Variants in LDLRAD3 observed in about 807,000 individuals in gnomAD.
The protein encoded by LDLRAD3 is low density lipoprotein receptor class A domain containing 3.
In LDLRAD3, 20 loss-of-function variants were observed where a neutral mutation model predicts 29.4. The observed-to-expected ratio is 0.68, with a 90% confidence interval of 0.48 to 0.99. The LOEUF (loss-of-function observed/expected upper bound fraction) is 0.99. LDLRAD3 is among the 50% of genes least tolerant of loss of function. LDLRAD3 has a pLI of 0.00. For synonymous variants in LDLRAD3, 157 were observed against 192.7 expected (o/e 0.81, Z 1.53); for missense variants, 420 against 454.3 (o/e 0.92, Z 0.69).
chr11:36,071,037 A>G (rs1852892894), intron 2 of LDLRAD3, among the ~76,000 whole-genome samples: 1 of 152,214 alleles, frequency 6.6e-6, no homozygotes, highest in Non-Finnish European at 1.5e-5. Flanking sequence ...ATTTAGAATG[A>G]TAAAAAGAAG....
At chr11:35,987,820 T>C (rs1404326783) in intron 1 of LDLRAD3, among the ~76,000 whole-genome samples, 2 of 152,216 alleles carry the variant, frequency 1.3e-5, no homozygotes, top group Admixed American at 6.5e-5. Context: ...AATTTTGTTT[T>C]AAGCTCTTTG....
chr11:35,947,358 A>T (rs1185841347), intron 1 of LDLRAD3, among the ~76,000 whole-genome samples: 1 of 152,008 alleles, frequency 6.6e-6, no homozygotes, highest in African/African-American at 2.4e-5. Context: ...AAAAATACAA[A>T]AATTAGCCAG....
chr11:36,027,359 T>A (rs925127634), intron 1 of LDLRAD3, among the ~76,000 whole-genome samples: 1 of 152,364 alleles, frequency 6.6e-6, no homozygotes, highest in South Asian at 2.1e-4. Flanking sequence ...TATATCATTT[T>A]GTCAGAAAAT....
chr11:35,960,278 A>C (rs1197623888), intron 1 of LDLRAD3, among the ~76,000 whole-genome samples: 1 of 152,218 alleles, frequency 6.6e-6, no homozygotes, highest in South Asian at 2.1e-4. Flanking sequence ...AATATACTAC[A>C]CTTTGCTCAT....
chr11:35,990,589 T>G (rs1243077492), intron 1 of LDLRAD3, among the ~76,000 whole-genome samples: 1 of 152,000 alleles, frequency 6.6e-6, no homozygotes, highest in East Asian at 1.9e-4. Context: ...TTGTATTTTT[T>G]TTTTTTAGTA....
intron 3 of LDLRAD3, among the ~76,000 whole-genome samples, chr11:36,083,706 A>G (rs17810905): frequency 0.1 from 15,293 of 150,622 alleles, 1,045 homozygotes; most frequent in South Asian, 0.23. Context: ...CCTGCTGTCC[A>G]TGGGGATCTT....
chr11:35,983,428 G>T (rs1314281629), intron 1 of LDLRAD3, among the ~76,000 whole-genome samples: 1 of 152,012 alleles, frequency 6.6e-6, no homozygotes, highest in Non-Finnish European at 1.5e-5. Flanking sequence ...ATAACAAACC[G>T]CATGGACCTG....
intron 1 of LDLRAD3, among the ~76,000 whole-genome samples, chr11:36,031,488 A>G (rs1466889263): frequency 6.6e-6 from 1 of 152,180 alleles, no homozygotes; most frequent in Admixed American, 6.5e-5. Context: ...GGGGAAAGGG[A>G]GGAAATAAAT....
intron 4 of LDLRAD3, among the ~76,000 whole-genome samples, chr11:36,113,350 C>T (rs1853631759): frequency 6.6e-6 from 1 of 152,016 alleles, no homozygotes; most frequent in African/African-American, 2.4e-5. Context: ...GAGCTCTCCG[C>T]TCCTCAGGAA....
chr11:36,032,067 GTCT>G (rs1252366968), intron 1 of LDLRAD3, among the ~76,000 whole-genome samples: 6 of 152,246 alleles, frequency 3.9e-5, no homozygotes, highest in Admixed American at 6.5e-5. Flanking sequence ...CTTTCCTGAT[GTCT>G]TCTTAGAGGG....
chr11:35,996,793 A>C (rs912388330), intron 1 of LDLRAD3, among the ~76,000 whole-genome samples: 2 of 152,192 alleles, frequency 1.3e-5, no homozygotes, highest in South Asian at 4.1e-4. Flanking sequence ...AATAACAGTT[A>C]ACTGTTTTTG....
chr11:36,136,892 T>C (rs1854012467), intron 4 of LDLRAD3, among the ~76,000 whole-genome samples: 1 of 152,148 alleles, frequency 6.6e-6, no homozygotes, highest in Non-Finnish European at 1.5e-5. Context: ...GGTTTTGCCA[T>C]GTTGGCCAAG....
At chr11:36,196,306 GAGAA>G (rs1277524973) in intron 4 of LDLRAD3, 3 of 152,196 alleles carry the variant, frequency 2.0e-5, no homozygotes, top group Non-Finnish European at 4.4e-5. Context: ...GAAGGTGAGA[GAGAA>G]AGAGAGAAAG....
intron 4 of LDLRAD3, among the ~76,000 whole-genome samples, chr11:36,136,049 T>A (rs535478646): frequency 1.3e-5 from 2 of 152,354 alleles, no homozygotes; most frequent in Non-Finnish European, 2.9e-5. Context: ...CTGAAGGACC[T>A]GCTAGCATTA....
At chr11:36,108,319 CAAAAAAAAAAAAAAA>C (rs60376519) in intron 4 of LDLRAD3, among the ~76,000 whole-genome samples, 1 of 48,978 alleles carries the variant, frequency 2.0e-5, no homozygotes, top group Admixed American at 3.8e-4. Flanking sequence ...GACTCCATCT[CAAAAAAAAAAAAAAA>C]AAAAAAAAAA....
intron 1 of LDLRAD3, among the ~76,000 whole-genome samples, chr11:35,991,740 T>C (rs750789320): frequency 6.6e-6 from 1 of 152,212 alleles, no homozygotes; most frequent in African/African-American, 2.4e-5. Context: ...AGCTAAATTA[T>C]TAATGCAGGT....
intron 1 of LDLRAD3, among the ~76,000 whole-genome samples, chr11:36,027,423 T>C (rs1757997334): frequency 6.6e-6 from 1 of 152,216 alleles, no homozygotes; most frequent in Non-Finnish European, 1.5e-5. Flanking sequence ...CTTTTTCTAG[T>C]TTGTGGCTTC....
intron 1 of LDLRAD3, among the ~76,000 whole-genome samples, chr11:35,956,778 C>G (rs1296875570): frequency 6.6e-6 from 1 of 151,892 alleles, no homozygotes; most frequent in Non-Finnish European, 1.5e-5. Flanking sequence ...GCTCTGTTTC[C>G]CAGGCTGGGT....
chr11:36,176,330 A>G (rs1854674961), intron 4 of LDLRAD3, among the ~76,000 whole-genome samples: 1 of 152,076 alleles, frequency 6.6e-6, no homozygotes, highest in African/African-American at 2.4e-5. Context: ...GTGAGGTCCT[A>G]TTCTGTTCCT....
Sources: gnomAD v4.1 joint callset for allele counts (sites outside exome capture counted in the v4.1 genomes callset) on GRCh38, gnomAD v4.1.1 for gene constraint, MANE v1.5 for transcripts, NCBI Gene and HGNC (gene_info 2026-07-23, HGNC 2026-07-21) for gene names.